BHLHE22: variants seen among roughly 807,000 people sequenced by gnomAD.
BHLHE22 encodes the protein class E basic helix-loop-helix protein 22.
In BHLHE22, 8 loss-of-function variants were observed where a neutral mutation model predicts 17.6. That is an observed-to-expected ratio of 0.45 (90% CI 0.27 to 0.82). BHLHE22 has a LOEUF of 0.82. Ranked by LOEUF, BHLHE22 falls within the 40% of genes least tolerant of loss-of-function variation. The pLI is 0.16. For synonymous variants in BHLHE22, 353 were observed against 282.7 expected (o/e 1.25, Z -2.49); for missense variants, 570 against 581.5 (o/e 0.98, Z 0.20).
Position 64,582,080 on chromosome 8 carries a change from C to G in BHLHE22, c.*144C>G, listed in dbSNP as rs532917244. ...AGAGGCAAGAACTGAGGAGAAGTAT[C>G]AGAGACAAACGGGACTTTTAGCCTT... On this transcript the variant is annotated 3_prime_UTR_variant, in exon 1 of 1. Coordinates refer to ENST00000321870, the MANE Select transcript of BHLHE22 (RefSeq NM_152414.5). 4.7e-5 allele frequency: 46 copies of G among 978,350 alleles called. No homozygotes were observed. The East Asian group carries it at 9.0e-4, about 19-fold the overall frequency. 60.6% of individuals were successfully genotyped at this position (978,350 alleles called of 1,614,324 possible).
chr8:64,580,479 C>T lies in BHLHE22; in HGVS notation c.-312C>T. 6.4e-6 allele frequency: 1 copy of T among 155,130 alleles called. No homozygotes were observed. The highest frequency in any genetic ancestry group is 1.4e-5 in the Non-Finnish European group (1 of 70,246). The allele number at this position is 155,130 out of a possible 1,614,324, so 9.6% of individuals were successfully genotyped here. On this transcript the variant is annotated 5_prime_UTR_variant, in exon 1 of 1. Coordinates refer to ENST00000321870, the MANE Select transcript of BHLHE22 (RefSeq NM_152414.5). Reference sequence around the variant, plus strand: ...AGGAGGCGCGGGGCTGGGCTCAGAGCGGCGGCGGCGGCGGCTCCACTCCCT... The same window carrying T: ...AGGAGGCGCGGGGCTGGGCTCAGAGTGGCGGCGGCGGCGGCTCCACTCCCT...
At position 64,582,268 on chromosome 8, in the gene BHLHE22, A is replaced by T. The variant is rs1804915821; in HGVS notation, c.*332A>T. The T allele has an allele frequency of 5.2e-6, 2 of 386,782 alleles. No individual in the cohort carries two copies. The highest frequency in any genetic ancestry group is 9.4e-5 in the Admixed American group (2 of 21,250). The allele number at this position is 386,782 out of a possible 1,614,324, so 24.0% of individuals were successfully genotyped here. A position where few individuals can be genotyped will look rare whatever the true frequency, so the allele number is the denominator to read the frequency against. ...TTCCTTAAAGGTGAAACATAAGTTGAGAAGTAGTGCTTGGTTATTAAGCCT... is the reference window on the plus strand; with the variant it reads ...TTCCTTAAAGGTGAAACATAAGTTGTGAAGTAGTGCTTGGTTATTAAGCCT... On this transcript the variant is annotated 3_prime_UTR_variant, in exon 1 of 1. Transcript: ENST00000321870.
rs770097710 is a variant in BHLHE22, at chr8:64,581,265, GTGC to G, written c.479_481del (p.Leu160del). On this transcript the variant is annotated inframe_deletion, in exon 1 of 1. Coordinates refer to ENST00000321870, the MANE Select transcript of BHLHE22 (RefSeq NM_152414.5). This position sits in a 1 kb window ranked among gnomAD's most constrained non-coding sequence, Gnocchi z 6.4. ...CGACAGCGACGGTCGCTGCGAGCTC[GTGC>G]TGCGGGCCGGAGTAGCCGACCCGCG... 3.5e-6 allele frequency: 5 copies of G among 1,448,066 alleles called. No individual in the cohort carries two copies. Among genetic ancestry groups the G allele is most frequent in the Non-Finnish European group, 4.5e-6 (5 of 1,113,170 alleles). The allele number at this position is 1,448,066 out of a possible 1,614,324, so 89.7% of individuals were successfully genotyped here. A position where few individuals can be genotyped will look rare whatever the true frequency, so the allele number is the denominator to read the frequency against.
Position 64,581,501 on chromosome 8 carries a change from C to T in BHLHE22, c.711C>T (p.Ser237=), listed in dbSNP as rs781243777. Residue 237 remains serine, a synonymous_variant, in exon 1 of 1, where the codon TCC becomes TCT. Coordinates refer to ENST00000321870, the MANE Select transcript of BHLHE22 (RefSeq NM_152414.5). This position sits in a 1 kb window ranked among gnomAD's most constrained non-coding sequence, Gnocchi z 6.4. The stretch of plus-strand genomic sequence containing the variant: ...GCAGCAGCAGCAGCAGCAAGAAATC[C>T]AAAGAGCAAAAGGCGCTGCGGCTTA... ...SSSSSSSSKK[S]KEQKALRLNI... The T allele has an allele frequency of 1.9e-6, 3 of 1,592,284 alleles. No homozygotes were observed. The South Asian group carries it at 3.4e-5, about 18-fold the overall frequency.
At position 64,582,211 on chromosome 8, in the gene BHLHE22, G is replaced by T. The variant is rs2129629406; in HGVS notation, c.*275G>T. The stretch of plus-strand genomic sequence containing the variant: ...TTTTTCTCAGAAAAGTGGCAACTTT[G>T]GTGGCAGCCTAGACCGCGAGGAAGT... On this transcript the variant is annotated 3_prime_UTR_variant, in exon 1 of 1. Coordinates refer to ENST00000321870, the MANE Select transcript of BHLHE22 (RefSeq NM_152414.5). 1 of 509,098 alleles carries T rather than the reference G, an allele frequency of 2.0e-6. No homozygotes were observed. The highest frequency in any genetic ancestry group is 2.4e-5 in the South Asian group (1 of 41,302). 31.5% of individuals were successfully genotyped at this position (509,098 alleles called of 1,614,324 possible).
Position 64,580,769 on chromosome 8 carries a change from G to T in BHLHE22, c.-22G>T, listed in dbSNP as rs572474539. Reference sequence around the variant, plus strand: ...CGGCGGCAGCGGGCGCGGCGGCCCGGGCTGCGCGCCGGCGCGGGACCATGG... The same window carrying T: ...CGGCGGCAGCGGGCGCGGCGGCCCGTGCTGCGCGCCGGCGCGGGACCATGG... On this transcript the variant is annotated 5_prime_UTR_variant, in exon 1 of 1. Transcript: ENST00000321870. The T allele has an allele frequency of 8.0e-4, 949 of 1,189,496 alleles. 29 individuals are homozygous for T. In the East Asian group the frequency reaches 0.034, roughly 43 times the overall value. The allele number at this position is 1,189,496 out of a possible 1,614,324, so 73.7% of individuals were successfully genotyped here. A position where few individuals can be genotyped will look rare whatever the true frequency, so the allele number is the denominator to read the frequency against.
chr8:64,582,631 T>G lies in BHLHE22; in HGVS notation c.*695T>G, dbSNP rs577003826. 6.0e-6 allele frequency: 1 copy of G among 167,094 alleles called. No homozygotes were observed. 10.4% of individuals were successfully genotyped at this position (167,094 alleles called of 1,614,324 possible). A position where few individuals can be genotyped will look rare whatever the true frequency, so the allele number is the denominator to read the frequency against. ...GAGAGTGATATAAAAAAACTGACTG[T>G]GGCTGAAAGAATTGCATTTAAAAAT... On this transcript the variant is annotated 3_prime_UTR_variant, in exon 1 of 1. Transcript: ENST00000321870.
rs1335271778 is a variant in BHLHE22 at position 64,581,750 on chromosome 8, C to T, written c.960C>T (p.Ser320=). 1 of 1,600,518 alleles carries T rather than the reference C, an allele frequency of 6.2e-7. No homozygotes were observed. The highest frequency in any genetic ancestry group is 8.5e-7 in the Non-Finnish European group (1 of 1,175,572). Reference sequence around the variant, plus strand: ...AGGGCCAGGCCATCTCGGCTGCCTCCCTGCCCAGCTCGGCGGCTGCAGCGG... The same window carrying T: ...AGGGCCAGGCCATCTCGGCTGCCTCTCTGCCCAGCTCGGCGGCTGCAGCGG... ...LNQGQAISAA[S]LPSSAAAAAA... is the part of the protein sequence containing the mutation. The change falls in exon 1 of 1, where the codon TCC becomes TCT. Residue 320 remains serine (S), a synonymous_variant. Transcript: ENST00000321870. This position sits in a 1 kb window ranked among gnomAD's most constrained non-coding sequence, Gnocchi z 6.4.
Position 64,580,773 on chromosome 8 carries a change from G to T in BHLHE22, c.-18G>T, listed in dbSNP as rs759263944. ...GGCAGCGGGCGCGGCGGCCCGGGCTGCGCGCCGGCGCGGGACCATGGAGCG... is the reference window on the plus strand; with the variant it reads ...GGCAGCGGGCGCGGCGGCCCGGGCTTCGCGCCGGCGCGGGACCATGGAGCG... On this transcript the variant is annotated 5_prime_UTR_variant, in exon 1 of 1. Coordinates refer to ENST00000321870, the MANE Select transcript of BHLHE22 (RefSeq NM_152414.5). 8.3e-6 allele frequency: 10 copies of T among 1,199,430 alleles called. No individual in the cohort carries two copies. Among genetic ancestry groups the T allele is most frequent in the Non-Finnish European group, 1.0e-5 (10 of 969,774 alleles). The allele number at this position is 1,199,430 out of a possible 1,614,324, so 74.3% of individuals were successfully genotyped here.
rs1232631346 is a variant in BHLHE22, at chr8:64,581,436, G to A, written c.646G>A (p.Gly216Ser). The change falls in exon 1 of 1, where the codon GGT (glycine) becomes AGT (serine). Residue 216 changes from glycine to serine, a missense_variant. Coordinates refer to ENST00000321870, the MANE Select transcript of BHLHE22 (RefSeq NM_152414.5). This position sits in a 1 kb window ranked among gnomAD's most constrained non-coding sequence, Gnocchi z 6.4. ...TAGCAGCAGCGGTAGCAGTGGCGGC[G>A]GTGGCGGTAGCGGTAGCGGCAGCGG... ...GGSSSGSSGGGGGSGSGSGGS... is the reference protein window; with the variant it reads ...GGSSSGSSGGSGGSGSGSGGS... The A allele has an allele frequency of 6.5e-7, 1 of 1,536,592 alleles. No individual in the cohort carries two copies. The highest frequency in any genetic ancestry group is 1.4e-5 in the African/African-American group (1 of 72,592).
rs1375950161 is a variant in BHLHE22, at chr8:64,581,188, C to T, written c.398C>T (p.Ala133Val). ...CTTTGCCTCAAGTACGGCGAAAGCGCGAGCCGGGGCTCGGTGGCCGAGAGC... is the reference window on the plus strand; with the variant it reads ...CTTTGCCTCAAGTACGGCGAAAGCGTGAGCCGGGGCTCGGTGGCCGAGAGC... Reference protein sequence around the residue: ...AALCLKYGESASRGSVAESSG... With the variant: ...AALCLKYGESVSRGSVAESSG... The change falls in exon 1 of 1, where the codon GCG becomes GTG. Residue 133 changes from alanine to valine, a missense_variant. By Grantham distance (64) the Ala-to-Val change is moderately conservative (BLOSUM62 0). Transcript: ENST00000321870. The surrounding 1 kb of genome is among the most constrained non-coding windows in gnomAD (Gnocchi z 6.4). The T allele has an allele frequency of 2.1e-6, 3 of 1,428,324 alleles. No individual in the cohort carries two copies. Among genetic ancestry groups the T allele is most frequent in the South Asian group, 1.6e-5 (1 of 63,658 alleles). 88.5% of individuals were successfully genotyped at this position (1,428,324 alleles called of 1,614,324 possible).
rs1804874400 is a variant in BHLHE22 at position 64,580,686 on chromosome 8, C to T, written c.-105C>T. On this transcript the variant is annotated 5_prime_UTR_variant, in exon 1 of 1. Coordinates refer to ENST00000321870, the MANE Select transcript of BHLHE22 (RefSeq NM_152414.5). ...ACCAGGACCGACGCGCGCACCAGCT[C>T]CGGAGCCCAGCTCGCGCGCGTCTGT... The T allele has an allele frequency of 1.5e-6, 1 of 669,132 alleles. No homozygotes were observed. The highest frequency in any genetic ancestry group is 1.9e-6 in the Non-Finnish European group (1 of 538,580). The allele number at this position is 669,132 out of a possible 1,614,324, so 41.4% of individuals were successfully genotyped here. A position where few individuals can be genotyped will look rare whatever the true frequency, so the allele number is the denominator to read the frequency against.
rs947973054 is a variant in BHLHE22, at chr8:64,580,440, T to G, written c.-351T>G. On this transcript the variant is annotated 5_prime_UTR_variant, in exon 1 of 1. Coordinates refer to ENST00000321870, the MANE Select transcript of BHLHE22 (RefSeq NM_152414.5). ...CTCTTGAAGGTGAATCCAAGCAAGA[T>G]AAACGGTGCGGAGAGGAGGCGCGGG... 9 of 153,976 alleles carry G rather than the reference T, an allele frequency of 5.8e-5. No homozygotes were observed. Among genetic ancestry groups the G allele is most frequent in the African/African-American group, 2.2e-4 (9 of 41,374 alleles). The allele number at this position is 153,976 out of a possible 1,614,324, so 9.5% of individuals were successfully genotyped here.
chr8:64,582,647 A>C lies in BHLHE22; in HGVS notation c.*711A>C, dbSNP rs1251596233. 2.4e-5 allele frequency: 4 copies of C among 167,138 alleles called. No homozygotes were observed. Among genetic ancestry groups the C allele is most frequent in the Non-Finnish European group, 5.9e-5 (4 of 68,138 alleles). 10.4% of individuals were successfully genotyped at this position (167,138 alleles called of 1,614,324 possible). ...AACTGACTGTGGCTGAAAGAATTGC[A>C]TTTAAAAATATTTATGTGCACCTTG... On this transcript the variant is annotated 3_prime_UTR_variant, in exon 1 of 1. Coordinates refer to ENST00000321870, the MANE Select transcript of BHLHE22 (RefSeq NM_152414.5).
At position 64,581,305 on chromosome 8, in the gene BHLHE22, G is replaced by T; in HGVS notation, c.515G>T (p.Gly172Val). 1 of 1,431,314 alleles carries T rather than the reference G, an allele frequency of 7.0e-7. No individual in the cohort carries two copies. The highest frequency in any genetic ancestry group is 2.8e-5 in the East Asian group (1 of 35,164). The allele number at this position is 1,431,314 out of a possible 1,614,324, so 88.7% of individuals were successfully genotyped here. A position where few individuals can be genotyped will look rare whatever the true frequency, so the allele number is the denominator to read the frequency against. ...AGVADPRASPGAGGGGAKAAE... is the reference protein window; with the variant it reads ...AGVADPRASPVAGGGGAKAAE... ...GTAGCCGACCCGCGGGCCTCCCCGG[G>T]AGCGGGAGGTGGTGGCGCGAAGGCA... Residue 172 changes from glycine to valine, a missense_variant, in exon 1 of 1, where the codon GGA becomes GTA. By Grantham distance (109) the Gly-to-Val change is moderately radical. Transcript: ENST00000321870. This position sits in a 1 kb window ranked among gnomAD's most constrained non-coding sequence, Gnocchi z 6.4.
chr8:64,580,514 C>A lies in BHLHE22; in HGVS notation c.-277C>A, dbSNP rs535635282. On this transcript the variant is annotated 5_prime_UTR_variant, in exon 1 of 1. Coordinates refer to ENST00000321870, the MANE Select transcript of BHLHE22 (RefSeq NM_152414.5). The stretch of plus-strand genomic sequence containing the variant: ...GGCGGCTCCACTCCCTCCGCGCCCA[C>A]CCTCCCACCATGCGGGGCCGCGGCC... 1.4e-4 allele frequency: 21 copies of A among 153,074 alleles called. 1 individual carries two copies. In the South Asian group the frequency reaches 3.9e-3, roughly 28 times the overall value. 9.5% of individuals were successfully genotyped at this position (153,074 alleles called of 1,614,324 possible).
Position 64,581,062 on chromosome 8 carries a change from G to A in BHLHE22, c.272G>A (p.Gly91Asp), listed in dbSNP as rs1804886705. The A allele has an allele frequency of 8.2e-7, 1 of 1,214,642 alleles. No homozygotes were observed. The highest frequency in any genetic ancestry group is 2.6e-5 in the South Asian group (1 of 37,822). 75.2% of individuals were successfully genotyped at this position (1,214,642 alleles called of 1,614,324 possible). The change falls in exon 1 of 1, where the codon GGC becomes GAC. Residue 91 changes from glycine (G) to aspartate (D), a missense_variant. Transcript: ENST00000321870. The surrounding 1 kb of genome is among the most constrained non-coding windows in gnomAD (Gnocchi z 6.4). ...GGCGGCGGCGGCAGCGCGGGAAGTG[G>A]CGGCGGCGGCGGCGGCGGGGTGGGT... ...GGGGGGSAGS[G>D]GGGGGGVGVP... is the part of the protein sequence containing the mutation.
chr8:64,581,197 G>T lies in BHLHE22; in HGVS notation c.407G>T (p.Gly136Val). The change falls in exon 1 of 1, where the codon GGC (glycine) becomes GTC (valine). Residue 136 changes from glycine to valine, a missense_variant. Physicochemically the swap from Gly to Val is moderately radical, Grantham distance 109. This residue lies in a region of BHLHE22 where 427 missense variants were observed against 376.2 expected (regional missense o/e 1.14). Transcript: ENST00000321870. This position sits in a 1 kb window ranked among gnomAD's most constrained non-coding sequence, Gnocchi z 6.4. ...AAGTACGGCGAAAGCGCGAGCCGGG[G>T]CTCGGTGGCCGAGAGCAGCGGCGGC... ...CLKYGESASR[G>V]SVAESSGGEQ... 6.9e-7 allele frequency: 1 copy of T among 1,441,136 alleles called. No individual in the cohort carries two copies. The highest frequency in any genetic ancestry group is 9.0e-7 in the Non-Finnish European group (1 of 1,108,866). 89.3% of individuals were successfully genotyped at this position (1,441,136 alleles called of 1,614,324 possible).
Position 64,581,496 on chromosome 8 carries a change from A to C in BHLHE22, c.706A>C (p.Lys236Gln). Residue 236 changes from lysine to glutamine, a missense_variant, in exon 1 of 1, where the codon AAA becomes CAA. This residue lies in a region of BHLHE22 where 32 missense variants were observed against 83.3 expected (regional missense o/e 0.38). Coordinates refer to ENST00000321870, the MANE Select transcript of BHLHE22 (RefSeq NM_152414.5). This position sits in a 1 kb window ranked among gnomAD's most constrained non-coding sequence, Gnocchi z 6.4. Reference protein sequence around the residue: ...SSSSSSSSSKKSKEQKALRLN... With the variant: ...SSSSSSSSSKQSKEQKALRLN... ...CAGCAGCAGCAGCAGCAGCAGCAAG[A>C]AATCCAAAGAGCAAAAGGCGCTGCG... 6.3e-7 allele frequency: 1 copy of C among 1,586,196 alleles called. No individual in the cohort carries two copies. The highest frequency in any genetic ancestry group is 8.5e-7 in the Non-Finnish European group (1 of 1,171,006).
Sources: gnomAD v4.1 joint callset for allele counts on GRCh38, gnomAD v4.1.1 for gene constraint, gnomAD v4.1.1 regional missense constraint, Gnocchi (gnomAD v3.1) non-coding constraint, MANE v1.5 for transcripts, NCBI Gene and HGNC (gene_info 2026-07-23, HGNC 2026-07-21) for gene names.